Variants in MBNL1 observed in about 807,000 individuals in gnomAD.
The protein encoded by MBNL1 is muscleblind-like protein 1.
MBNL1 carries 8 observed loss-of-function variants against 42.2 expected under a neutral mutation model. That is an observed-to-expected ratio of 0.19 (90% confidence interval 0.11 to 0.34). The LOEUF (loss-of-function observed/expected upper bound fraction) is 0.34, where lower values mean the gene tolerates loss of function less well. Ranked by LOEUF, MBNL1 falls within the 10% of genes least tolerant of loss-of-function variation. The pLI is 1.00. For missense variants in MBNL1, 309 were observed against 495.3 expected, an observed-to-expected ratio of 0.62 and a Z score of 3.57; for synonymous variants, 169 against 173.9, an observed-to-expected ratio of 0.97 and a Z score of 0.22.
intron 3 of MBNL1, among the ~76,000 whole-genome samples, chr3:152,428,612 T>G: frequency 6.6e-6 from 1 of 152,332 alleles, no homozygotes; most frequent in African/African-American, 2.4e-5. Context: ...CTTAGAGACC[T>G]TACTTACAGT....
At chr3:152,439,847 C>T (rs2099123699) in intron 4 of MBNL1, among the ~76,000 whole-genome samples, 1 of 151,906 alleles carries the variant, frequency 6.6e-6, no homozygotes, top group African/African-American at 2.4e-5. Flanking sequence ...GACCCTATCT[C>T]AAGTAGTAAT....
chr3:152,402,121 A>T (rs934231712), intron 2 of MBNL1, among the ~76,000 whole-genome samples: 11 of 152,050 alleles, frequency 7.2e-5, no homozygotes, highest in Non-Finnish European at 1.3e-4. Flanking sequence ...GCAAACTCTG[A>T]CAAAGGAAAT....
At chr3:152,341,273 G>A (rs2093141075) in intron 2 of MBNL1, among the ~76,000 whole-genome samples, 1 of 152,166 alleles carries the variant, frequency 6.6e-6, no homozygotes. Flanking sequence ...TGTCTATAGA[G>A]TGCATTTTGT....
chr3:152,266,018 G>A (rs897804597), upstream of MBNL1: 1 of 152,164 alleles, frequency 6.6e-6, no homozygotes, highest in Non-Finnish European at 1.5e-5. Context: ...CAACATGATT[G>A]AATAGTTTTA....
chr3:152,373,341 G>GAA (rs35536807), intron 2 of MBNL1, among the ~76,000 whole-genome samples: 23 of 90,528 alleles, frequency 2.5e-4, no homozygotes, highest in African/African-American at 3.0e-4. Context: ...CTGGGGTATG[G>GAA]AAAAAAAAAA....
intron 1 of MBNL1, among the ~76,000 whole-genome samples, chr3:152,297,806 C>G (rs1228370878): frequency 6.6e-6 from 1 of 151,960 alleles, no homozygotes; most frequent in African/African-American, 2.4e-5. Flanking sequence ...ATAGGTGCCA[C>G]CACCACGCCC....
intron 2 of MBNL1, among the ~76,000 whole-genome samples, chr3:152,395,408 T>C (rs937673351): frequency 2.0e-5 from 3 of 152,192 alleles, no homozygotes; most frequent in Non-Finnish European, 4.4e-5. Flanking sequence ...CTAATTAATA[T>C]TTGTCTGTTT....
intron 2 of MBNL1, among the ~76,000 whole-genome samples, chr3:152,324,131 C>T (rs903971292): frequency 6.6e-6 from 1 of 152,202 alleles, no homozygotes; most frequent in African/African-American, 2.4e-5. Context: ...AAATCACTTA[C>T]TAATCACAGT....
At chr3:152,286,773 G>C (rs79962793) in intron 1 of MBNL1, among the ~76,000 whole-genome samples, 10,885 of 151,956 alleles carry the variant, frequency 0.072, 509 homozygotes, top group Middle Eastern at 0.17. Flanking sequence ...GGAAAGTTTT[G>C]AGATTGCTAC....
intron 2 of MBNL1, among the ~76,000 whole-genome samples, chr3:152,327,515 T>C (rs2081170194): frequency 6.6e-6 from 1 of 152,002 alleles, no homozygotes; most frequent in African/African-American, 2.4e-5. Context: ...ACCCAGCTAA[T>C]TTTTGTATTT....
At chr3:152,417,411 G>A (rs2098720138) in intron 3 of MBNL1, among the ~76,000 whole-genome samples, 1 of 152,150 alleles carries the variant, frequency 6.6e-6, no homozygotes, top group African/African-American at 2.4e-5. Flanking sequence ...CATTAACTTG[G>A]ATCCAACCCA....
chr3:152,339,622 T>G (rs1461662831), intron 2 of MBNL1: 1 of 152,164 alleles, frequency 6.6e-6, no homozygotes, highest in East Asian at 1.9e-4. Flanking sequence ...AATATTAACT[T>G]AATTCCTTAA....
chr3:152,263,867 G>C (rs1470044439), upstream of MBNL1: 7 of 151,244 alleles, frequency 4.6e-5, no homozygotes, highest in African/African-American at 1.7e-4. Flanking sequence ...CCTCTTCCTT[G>C]ACTGTAAGCT....
At chr3:152,399,648 T>TG (rs2098129939) in intron 2 of MBNL1, among the ~76,000 whole-genome samples, 1 of 152,022 alleles carries the variant, frequency 6.6e-6, no homozygotes. Flanking sequence ...CAAAGATGTA[T>TG]GCCACCACAC....
chr3:152,393,112 C>T (rs1211935609), intron 2 of MBNL1, among the ~76,000 whole-genome samples: 1 of 152,162 alleles, frequency 6.6e-6, no homozygotes, highest in Non-Finnish European at 1.5e-5. Flanking sequence ...TCTCTGTTCT[C>T]TCACCCAGCC....
chr3:152,276,766 A>C (rs2045455095), intron 1 of MBNL1, among the ~76,000 whole-genome samples: 1 of 152,192 alleles, frequency 6.6e-6, no homozygotes, highest in Non-Finnish European at 1.5e-5. Flanking sequence ...GTGGAACATA[A>C]ACAGACACTT....
In MBNL1 at chr3:152,388,254, T is replaced by A. The variant is rs563651054; in HGVS notation, c.175-26687T>A. Among the ~76,000 whole-genome samples the A allele has an allele frequency of 1.1e-4, 17 of 152,272 alleles. No homozygotes were observed. The South Asian group carries it at 2.9e-3, about 26-fold the overall frequency. On this transcript the variant is annotated intron_variant, in intron 2 of 9. Transcript: ENST00000324210. ...CTAGTTGGCTACCCTCTTCAAGATA[T>A]CTTTGTTGACTGTTCATATAAGCCA...
chr3:152,419,281 G>A lies in MBNL1; in HGVS notation c.345+4170G>A, dbSNP rs953098762. ...AAAAATAAAACTTCTGGAATTGCCC[G>A]GGCAAGATGGCCAAATAGGAGCAAC... On this transcript the variant is annotated intron_variant, in intron 3 of 9. Coordinates refer to ENST00000324210, the MANE Select transcript of MBNL1 (RefSeq NM_021038.5). Among the ~76,000 whole-genome samples, 22 of 152,106 alleles carry A rather than the reference G, an allele frequency of 1.4e-4. No homozygotes were observed. In the East Asian group the frequency reaches 2.5e-3, roughly 17 times the overall value.
chr3:152,311,965 C>G (rs1002657909), intron 2 of MBNL1, among the ~76,000 whole-genome samples: 2 of 151,432 alleles, frequency 1.3e-5, no homozygotes, highest in East Asian at 3.9e-4. Context: ...CCGAGGCGGG[C>G]GGATCACGAG....
Sources: allele counts gnomAD v4.1 joint callset (sites outside exome capture counted in the v4.1 genomes callset), GRCh38; gene constraint gnomAD v4.1.1; transcripts MANE v1.5; gene names NCBI Gene and HGNC (gene_info 2026-07-23, HGNC 2026-07-21).